The following GLIS3 variants were observed in gnomAD, a reference collection of about 807,000 sequenced individuals.
The protein encoded by GLIS3 is zinc finger protein GLIS3.
Under a neutral mutation model 78.6 loss-of-function variants are expected in GLIS3, and 53 were observed. The observed-to-expected ratio is 0.67, with a 90% CI of 0.54 to 0.85. The LOEUF is 0.85. Among genes scored for constraint, GLIS3 ranks in the 40% least tolerant of loss-of-function variants. The pLI is 0.00. For synonymous variants in GLIS3, 684 were observed against 509.9 expected (o/e 1.34, Z -4.60); for missense variants, 1,703 against 1,231.1 (o/e 1.38, Z -5.74).
At chr9:4,418,078 G>A in the GLIS3 span, among the ~76,000 whole-genome samples, 1 of 152,082 alleles carries the variant, frequency 6.6e-6, no homozygotes, top group Non-Finnish European at 1.5e-5. Context: ...TCCATCTTAG[G>A]AATGCACTGC....
chr9:4,442,556 T>A, the GLIS3 span, among the ~76,000 whole-genome samples: 1 of 152,120 alleles, frequency 6.6e-6, no homozygotes, highest in South Asian at 2.1e-4. Flanking sequence ...TCATTCCTTT[T>A]CATTTCAGAT....
intron 4 of GLIS3, among the ~76,000 whole-genome samples, chr9:4,055,649 G>C (rs1826085303): frequency 6.6e-6 from 1 of 152,204 alleles, no homozygotes; most frequent in African/African-American, 2.4e-5. Flanking sequence ...GCCCCGCAGA[G>C]GAAACGAGGA....
intron 3 of GLIS3, among the ~76,000 whole-genome samples, chr9:4,121,635 AC>A (rs1832191154): frequency 1.3e-5 from 2 of 151,548 alleles, no homozygotes; most frequent in African/African-American, 4.9e-5. Context: ...ACACACACAC[AC>A]ACACACACAC....
chr9:3,948,505 A>T (rs1816448997), intron 4 of GLIS3, among the ~76,000 whole-genome samples: 1 of 152,146 alleles, frequency 6.6e-6, no homozygotes, highest in African/African-American at 2.4e-5. Flanking sequence ...TCTTATGAAA[A>T]ATACCTTGGC....
intron 4 of GLIS3, among the ~76,000 whole-genome samples, chr9:4,078,844 G>A (rs1438999687): frequency 2.0e-5 from 3 of 152,142 alleles, no homozygotes; most frequent in Admixed American, 6.5e-5. Flanking sequence ...AGAACTCAGA[G>A]AGGGCATTGG....
At chr9:4,159,609 C>T (rs1300063165) in intron 2 of GLIS3, among the ~76,000 whole-genome samples, 2 of 151,978 alleles carry the variant, frequency 1.3e-5, no homozygotes, top group Admixed American at 1.3e-4. Flanking sequence ...ATTCCAGCTA[C>T]TGGGGAGGCT....
chr9:4,207,279 A>C (rs776271520), intron 2 of GLIS3, among the ~76,000 whole-genome samples: 1 of 152,322 alleles, frequency 6.6e-6, no homozygotes, highest in African/African-American at 2.4e-5. Flanking sequence ...CAGCCCCACT[A>C]AACTTAAGGA....
chr9:3,988,264 T>C (rs1200817687), intron 4 of GLIS3, among the ~76,000 whole-genome samples: 1 of 152,174 alleles, frequency 6.6e-6, no homozygotes, highest in Non-Finnish European at 1.5e-5. Context: ...GACCCACCTT[T>C]AATGACTGAC....
chr9:4,320,965 G>C (rs549854302), intron 2 of GLIS3, among the ~76,000 whole-genome samples: 1 of 151,850 alleles, frequency 6.6e-6, no homozygotes, highest in East Asian at 1.9e-4. Flanking sequence ...CACAGCTCTC[G>C]AGATACAAAG....
chr9:4,217,450 G>C (rs1820956610), intron 2 of GLIS3, among the ~76,000 whole-genome samples: 1 of 152,176 alleles, frequency 6.6e-6, no homozygotes, highest in South Asian at 2.1e-4. Context: ...ATCATGGGCA[G>C]ACATTTCTAA....
intron 2 of GLIS3, among the ~76,000 whole-genome samples, chr9:4,235,644 G>C (rs554490361): frequency 2.6e-5 from 4 of 152,112 alleles, no homozygotes; most frequent in African/African-American, 7.2e-5. Flanking sequence ...GGTCTTCTGT[G>C]AGTGTGAATG....
At chr9:4,131,729 C>G (rs1348880531) in intron 2 of GLIS3, among the ~76,000 whole-genome samples, 2 of 152,090 alleles carry the variant, frequency 1.3e-5, no homozygotes, top group African/African-American at 4.8e-5. Context: ...ATTACCCAGT[C>G]TCAAGTATTT....
At chr9:3,940,561 T>G (rs1339445507) in intron 4 of GLIS3, among the ~76,000 whole-genome samples, 1 of 152,174 alleles carries the variant, frequency 6.6e-6, no homozygotes, top group Non-Finnish European at 1.5e-5. Flanking sequence ...AGCCCAGGAC[T>G]CAGTGACACA....
chr9:4,149,352 C>T (rs1564119690), intron 2 of GLIS3, among the ~76,000 whole-genome samples: 1 of 152,162 alleles, frequency 6.6e-6, no homozygotes. Context: ...AGTGAGTATT[C>T]AAACCCCAGC....
chr9:4,345,810 G>C (rs1216627144), intron 2 of GLIS3, among the ~76,000 whole-genome samples: 1 of 152,194 alleles, frequency 6.6e-6, no homozygotes, highest in Non-Finnish European at 1.5e-5. Flanking sequence ...TGCGTCTGGG[G>C]AGTGAGAATT....
chr9:3,834,742 T>G (rs1356427654), intron 9 of GLIS3, among the ~76,000 whole-genome samples: 2 of 152,190 alleles, frequency 1.3e-5, no homozygotes, highest in African/African-American at 4.8e-5. Context: ...CTTCAATCTT[T>G]GTGGAAGGAA....
chr9:4,138,589 G>A (rs1249312755), intron 2 of GLIS3, among the ~76,000 whole-genome samples: 1 of 152,178 alleles, frequency 6.6e-6, no homozygotes, highest in Non-Finnish European at 1.5e-5. Flanking sequence ...TGCTGAGGAA[G>A]TATTATGGAG....
chr9:3,884,646 G>A (rs913316922), intron 7 of GLIS3, among the ~76,000 whole-genome samples: 1 of 152,060 alleles, frequency 6.6e-6, no homozygotes, highest in Admixed American at 6.6e-5. Context: ...CAATAGTTAA[G>A]ACTTATTGAG....
intron 4 of GLIS3, among the ~76,000 whole-genome samples, chr9:4,006,680 G>A (rs779216660): frequency 6.6e-6 from 1 of 152,148 alleles, no homozygotes; most frequent in Non-Finnish European, 1.5e-5. Flanking sequence ...TTAAAGACTT[G>A]CCTAAGTTTA....
Sources: allele counts gnomAD v4.1 joint callset (sites outside exome capture counted in the v4.1 genomes callset), GRCh38; gene constraint gnomAD v4.1.1; transcripts MANE v1.5; gene names NCBI Gene and HGNC (gene_info 2026-07-23, HGNC 2026-07-21).